Variants in CNTNAP2 observed in about 807,000 individuals in gnomAD.
The protein encoded by CNTNAP2 is contactin-associated protein-like 2.
A neutral mutation model predicts 155.2 loss-of-function variants in CNTNAP2; 98 were observed. That is an observed-to-expected ratio of 0.63 (90% CI 0.54 to 0.75). The LOEUF (loss-of-function observed/expected upper bound fraction) is 0.75, where lower values mean the gene tolerates loss of function less well. CNTNAP2 is among the 30% of genes least tolerant of loss of function. CNTNAP2 has a pLI of 0.00. For missense variants in CNTNAP2, 1,727 were observed against 1,688.1 expected (o/e 1.02, Z -0.40); for synonymous variants, 651 against 631.2 (o/e 1.03, Z -0.47).
chr7:146,193,653 G>A (rs1039711540), intron 1 of CNTNAP2, among the ~76,000 whole-genome samples: 2 of 152,190 alleles, frequency 1.3e-5, no homozygotes, highest in Non-Finnish European at 2.9e-5. Context: ...GCCTGTGATG[G>A]GAGGGGCTGC....
intron 21 of CNTNAP2, among the ~76,000 whole-genome samples, chr7:148,375,838 C>CA (rs34887239): frequency 0.01 from 404 of 38,662 alleles, 153 homozygotes; most frequent in Middle Eastern, 0.04. Flanking sequence ...ACTAAAAATA[C>CA]AAAAAAAAAA....
At chr7:147,836,555 T>C (rs1474590239) in intron 13 of CNTNAP2, among the ~76,000 whole-genome samples, 1 of 152,020 alleles carries the variant, frequency 6.6e-6, no homozygotes, top group Non-Finnish European at 1.5e-5. Context: ...ACACATACAC[T>C]CTCTTTGTAA....
intron 1 of CNTNAP2, among the ~76,000 whole-genome samples, chr7:146,569,173 C>T (rs1252608222): frequency 3.3e-5 from 5 of 152,078 alleles, no homozygotes; most frequent in Admixed American, 6.6e-5. Flanking sequence ...CCCACCACCA[C>T]GCCCGGCTAA....
At chr7:146,387,138 C>T (rs1019386181) in intron 1 of CNTNAP2, among the ~76,000 whole-genome samples, 1 of 152,172 alleles carries the variant, frequency 6.6e-6, no homozygotes, top group Non-Finnish European at 1.5e-5. Flanking sequence ...TTTACCAGCC[C>T]TTGATCTTTG....
Position 148,372,044 on chromosome 7 carries a change from C to CA in CNTNAP2, c.3476-11597dup, listed in dbSNP as rs553447169. ...TGAAACCCCGTCTCTAGTAAAAATA[C>CA]AAAAAAAATTAGCTGGGTGTGGTGG... On this transcript the variant is annotated intron_variant, in intron 21 of 23. Transcript: ENST00000361727. 8.3e-3 allele frequency among the ~76,000 whole-genome samples: 1,258 copies of CA among 151,388 alleles called. 10 individuals carry two copies. The highest frequency in any genetic ancestry group is 0.029 in the African/African-American group (1,184 of 41,266).
chr7:146,911,214 T>C (rs532436756), intron 3 of CNTNAP2, among the ~76,000 whole-genome samples: 7 of 152,200 alleles, frequency 4.6e-5, no homozygotes, highest in Non-Finnish European at 8.8e-5. Context: ...GGTGGGACTG[T>C]AAACTAGTTC....
At chr7:147,863,813 G>A (rs902200220) in intron 13 of CNTNAP2, among the ~76,000 whole-genome samples, 2 of 151,310 alleles carry the variant, frequency 1.3e-5, no homozygotes, top group African/African-American at 4.9e-5. Context: ...GTTCTTCGTA[G>A]ATTCTGGATA....
intron 1 of CNTNAP2, among the ~76,000 whole-genome samples, chr7:146,225,769 C>G (rs1253639720): frequency 6.6e-6 from 1 of 152,166 alleles, no homozygotes; most frequent in Non-Finnish European, 1.5e-5. Context: ...AATCTCCTAC[C>G]ACTTCCACAG....
chr7:148,078,234 T>C (rs1483043724), intron 15 of CNTNAP2, among the ~76,000 whole-genome samples: 1 of 152,108 alleles, frequency 6.6e-6, no homozygotes, highest in African/African-American at 2.4e-5. Context: ...AGGCTCATTT[T>C]TGTATTTTTA....
chr7:147,315,390 G>T (rs1795206915), intron 9 of CNTNAP2, among the ~76,000 whole-genome samples: 1 of 149,396 alleles, frequency 6.7e-6, no homozygotes, highest in Non-Finnish European at 1.5e-5. Flanking sequence ...AAATCACTCT[G>T]AATTCTTCCA....
intron 1 of CNTNAP2, among the ~76,000 whole-genome samples, chr7:146,537,501 G>A (rs1797887026): frequency 6.6e-6 from 1 of 152,042 alleles, no homozygotes; most frequent in South Asian, 2.1e-4. Context: ...TCACAGTCTA[G>A]TAGAGTCAGG....
intron 13 of CNTNAP2, among the ~76,000 whole-genome samples, chr7:147,647,634 C>T (rs546793292): frequency 6.6e-6 from 1 of 152,014 alleles, no homozygotes; most frequent in Non-Finnish European, 1.5e-5. Flanking sequence ...AACACAAGGT[C>T]TTTGAGGACA....
chr7:146,713,640 G>A (rs1460291491), intron 1 of CNTNAP2, among the ~76,000 whole-genome samples: 1 of 152,098 alleles, frequency 6.6e-6, no homozygotes, highest in Admixed American at 6.6e-5. Context: ...CTTCAAGTAT[G>A]ACAAATTCCT....
chr7:146,558,396 T>G (rs1162818173), intron 1 of CNTNAP2, among the ~76,000 whole-genome samples: 1 of 152,154 alleles, frequency 6.6e-6, no homozygotes, highest in African/African-American at 2.4e-5. Context: ...AAGAACGACA[T>G]CTGGCATGTA....
At chr7:147,567,161 A>G (rs1800191173) in intron 12 of CNTNAP2, among the ~76,000 whole-genome samples, 1 of 152,168 alleles carries the variant, frequency 6.6e-6, no homozygotes, top group Non-Finnish European at 1.5e-5. Context: ...ATCCTAGGCA[A>G]TTAGGGGGTG....
chr7:147,405,509 G>A (rs1183593907), intron 10 of CNTNAP2, among the ~76,000 whole-genome samples: 2 of 152,106 alleles, frequency 1.3e-5, no homozygotes, highest in African/African-American at 4.8e-5. Context: ...GAGCTTGTAG[G>A]ACACTATCCT....
chr7:146,937,854 G>A (rs1796955670), intron 3 of CNTNAP2, among the ~76,000 whole-genome samples: 1 of 152,214 alleles, frequency 6.6e-6, no homozygotes, highest in African/African-American at 2.4e-5. Context: ...CTAAAAGTCA[G>A]TGTTCTGATG....
At chr7:147,874,075 C>A (rs1251030712) in intron 13 of CNTNAP2, among the ~76,000 whole-genome samples, 1 of 152,170 alleles carries the variant, frequency 6.6e-6, no homozygotes, top group African/African-American at 2.4e-5. Context: ...GGGTATAGAC[C>A]CCCATCTCAG....
intron 1 of CNTNAP2, among the ~76,000 whole-genome samples, chr7:146,686,774 T>A (rs1800608376): frequency 6.6e-6 from 1 of 152,178 alleles, no homozygotes; most frequent in African/African-American, 2.4e-5. Context: ...GGCAGTTTTA[T>A]AATGGCATAT....
Sources: allele counts gnomAD v4.1 joint callset (sites outside exome capture counted in the v4.1 genomes callset), GRCh38; gene constraint gnomAD v4.1.1; transcripts MANE v1.5; gene names NCBI Gene and HGNC (gene_info 2026-07-23, HGNC 2026-07-21).